Variants in RBFOX1 observed in about 807,000 individuals in gnomAD.
RBFOX1 encodes RNA binding fox-1 homolog 1.
A neutral mutation model predicts 57.7 loss-of-function variants in RBFOX1; 8 were observed. The observed-to-expected ratio is 0.14, with a 90% confidence interval of 0.08 to 0.25. RBFOX1 has a LOEUF of 0.25. RBFOX1 is among the 10% of genes least tolerant of loss of function. The pLI is 1.00. For missense variants in RBFOX1, 611 were observed against 548.5 expected, an observed-to-expected ratio of 1.11 and a Z score of -1.14; for synonymous variants, 326 against 222.4, an observed-to-expected ratio of 1.47 and a Z score of -4.15.
At chr16:6,919,811 G>A (rs1243960972) in intron 3 of RBFOX1, among the ~76,000 whole-genome samples, 1 of 124,046 alleles carries the variant, frequency 8.1e-6, no homozygotes, top group Non-Finnish European at 1.7e-5. Context: ...CAATAGTTCT[G>A]GGAGAACAAG....
chr16:6,086,613 A>G (rs2096088415), intron 1 of RBFOX1, among the ~76,000 whole-genome samples: 1 of 152,182 alleles, frequency 6.6e-6, no homozygotes, highest in Admixed American at 6.5e-5. Flanking sequence ...CTGGGGGCGC[A>G]TGCTTGGTTG....
At chr16:6,829,737 A>G (rs1031045347) in intron 3 of RBFOX1, among the ~76,000 whole-genome samples, 1 of 151,850 alleles carries the variant, frequency 6.6e-6, no homozygotes, top group African/African-American at 2.4e-5. Flanking sequence ...GAGTAGCTGG[A>G]ATTACAGGCA....
At chr16:5,468,240 A>T (rs754052968) in intron 2 of RBFOX1, among the ~76,000 whole-genome samples, 10 of 152,192 alleles carry the variant, frequency 6.6e-5, no homozygotes, top group Non-Finnish European at 1.5e-4. Context: ...ACAATTGAGA[A>T]GTATTTAGTA....
At chr16:6,587,843 C>A (rs2097651964) in intron 2 of RBFOX1, among the ~76,000 whole-genome samples, 1 of 152,168 alleles carries the variant, frequency 6.6e-6, no homozygotes, top group African/African-American at 2.4e-5. Context: ...TCTCTTTCTA[C>A]CCTCCGTCTT....
At chr16:5,748,676 C>G (rs188276583) in intron 3 of RBFOX1, among the ~76,000 whole-genome samples, 6 of 152,030 alleles carry the variant, frequency 3.9e-5, no homozygotes, top group East Asian at 1.9e-4. Flanking sequence ...CTGTTTTATC[C>G]GAGACTAGGA....
At chr16:6,561,971 G>C (rs754044719) in intron 2 of RBFOX1, among the ~76,000 whole-genome samples, 8 of 152,188 alleles carry the variant, frequency 5.3e-5, no homozygotes, top group South Asian at 2.1e-4. Flanking sequence ...CATCCACCTA[G>C]ATCTGTTATA....
intron 1 of RBFOX1, among the ~76,000 whole-genome samples, chr16:6,155,175 G>A (rs988726203): frequency 6.6e-6 from 1 of 152,194 alleles, no homozygotes; most frequent in Non-Finnish European, 1.5e-5. Context: ...GTAGTCCGGA[G>A]TGAGTCCTTC....
At chr16:5,560,540 T>A (rs2045854530) in intron 2 of RBFOX1, among the ~76,000 whole-genome samples, 1 of 152,100 alleles carries the variant, frequency 6.6e-6, no homozygotes, top group Non-Finnish European at 1.5e-5. Context: ...CTTTGTCTGT[T>A]TGAATCTCCT....
chr16:7,409,522 C>G (rs12149783), intron 4 of RBFOX1, among the ~76,000 whole-genome samples: 1 of 152,014 alleles, frequency 6.6e-6, no homozygotes, highest in Non-Finnish European at 1.5e-5. Flanking sequence ...GCCAGTTGTT[C>G]CTGGTTTCGA....
intron 3 of RBFOX1, among the ~76,000 whole-genome samples, chr16:5,637,331 T>C (rs2048713903): frequency 6.6e-6 from 1 of 152,178 alleles, no homozygotes; most frequent in Admixed American, 6.5e-5. Flanking sequence ...AAATAAGTCA[T>C]GTCTTAGTAG....
chr16:6,633,827 G>C (rs910081807), intron 2 of RBFOX1, among the ~76,000 whole-genome samples: 5 of 152,038 alleles, frequency 3.3e-5, no homozygotes, highest in African/African-American at 1.2e-4. Context: ...TGGGCAACAC[G>C]GAAAGATGTA....
intron 2 of RBFOX1, among the ~76,000 whole-genome samples, chr16:6,341,041 G>C (rs1258745298): frequency 6.6e-6 from 1 of 152,122 alleles, no homozygotes; most frequent in African/African-American, 2.4e-5. Context: ...GTCTTGTAGG[G>C]CATGTGTAAG....
intron 2 of RBFOX1, among the ~76,000 whole-genome samples, chr16:6,337,313 C>T (rs576678216): frequency 6.8e-4 from 103 of 152,246 alleles, no homozygotes; most frequent in Admixed American, 6.6e-3. Flanking sequence ...CTGTATTGTG[C>T]CGTCCCAACA....
chr16:5,888,630 T>A (rs973048619), intron 4 of RBFOX1, among the ~76,000 whole-genome samples: 6 of 152,068 alleles, frequency 3.9e-5, no homozygotes, highest in Non-Finnish European at 7.4e-5. Context: ...ACCTCGTCTC[T>A]ACTAAAAATA....
At chr16:6,030,274 A>G (rs577542651) in intron 1 of RBFOX1, among the ~76,000 whole-genome samples, 27 of 152,300 alleles carry the variant, frequency 1.8e-4, no homozygotes, top group African/African-American at 5.8e-4. Context: ...CTTTGGTTTC[A>G]GGATCAGAAA....
At chr16:6,313,825 T>A (rs200102791) in intron 1 of RBFOX1, among the ~76,000 whole-genome samples, 1 of 150,144 alleles carries the variant, frequency 6.7e-6, no homozygotes, top group South Asian at 2.1e-4. Context: ...ACATTTTAGT[T>A]AAAAAAAAAA....
intron 2 of RBFOX1, among the ~76,000 whole-genome samples, chr16:6,421,749 T>C (rs1300549852): frequency 3.9e-5 from 6 of 152,062 alleles, no homozygotes; most frequent in Non-Finnish European, 4.4e-5. Context: ...CATGTATCTT[T>C]TCAATACGCA....
At chr16:5,312,312 C>G (rs2064113177) in intron 1 of RBFOX1, among the ~76,000 whole-genome samples, 1 of 152,122 alleles carries the variant, frequency 6.6e-6, no homozygotes, top group African/African-American at 2.4e-5. Context: ...GAAGACATGT[C>G]TTTTTCCTTT....
intron 1 of RBFOX1, among the ~76,000 whole-genome samples, chr16:5,390,483 T>A (rs921903689): frequency 2.6e-5 from 4 of 151,976 alleles, no homozygotes; most frequent in African/African-American, 9.7e-5. Flanking sequence ...GAGACGGGGT[T>A]TCACCGTGTT....
Sources: gnomAD v4.1 joint callset for allele counts (sites outside exome capture counted in the v4.1 genomes callset) on GRCh38, gnomAD v4.1.1 for gene constraint, MANE v1.5 for transcripts, NCBI Gene and HGNC (gene_info 2026-07-23, HGNC 2026-07-21) for gene names.